Variants in CAMTA1 observed in about 807,000 individuals in gnomAD.
CAMTA1 encodes calmodulin binding transcription activator 1.
CAMTA1 carries 27 observed loss-of-function variants against 170.9 expected under a neutral mutation model. The ratio of observed to expected loss-of-function variants is 0.16; its 90% CI spans 0.12 to 0.22. CAMTA1 has a LOEUF of 0.22. Among genes scored for constraint, CAMTA1 ranks in the 10% least tolerant of loss-of-function variants. The pLI is 1.00. For missense variants in CAMTA1, 1,619 were observed against 2,217.2 expected, an observed-to-expected ratio of 0.73 and a Z score of 5.42; for synonymous variants, 833 against 891.5, an observed-to-expected ratio of 0.93 and a Z score of 1.17.
intron 5 of CAMTA1, among the ~76,000 whole-genome samples, chr1:7,438,660 T>C (rs941346181): frequency 6.6e-6 from 1 of 152,098 alleles, no homozygotes; most frequent in African/African-American, 2.4e-5. Flanking sequence ...CCCCAACATC[T>C]GTCTCCTCCG....
chr1:7,075,577 C>T (rs2147965964), intron 3 of CAMTA1, among the ~76,000 whole-genome samples: 1 of 152,158 alleles, frequency 6.6e-6, no homozygotes, highest in South Asian at 2.1e-4. Flanking sequence ...CCTGCTGTCA[C>T]ATTTTGGTTC....
In CAMTA1 at chr1:7,558,822, T is replaced by C. The variant is rs11809764; in HGVS notation, c.511-81578T>C. Among the ~76,000 whole-genome samples the C allele has an allele frequency of 9.0e-3, 1,376 of 152,398 alleles. 19 individuals carry two copies. Among genetic ancestry groups the C allele is most frequent in the African/African-American group, 0.032 (1,318 of 41,598 alleles). ...ATTTCAGCAGCTGTAGTCATTAAGA[T>C]AAAAGTTGCACTAATGACTCCAGCG... On this transcript the variant is annotated intron_variant, in intron 6 of 22. Transcript: ENST00000303635.
intron 1 of CAMTA1, among the ~76,000 whole-genome samples, chr1:6,804,395 G>T (rs1644270694): frequency 6.6e-6 from 1 of 151,782 alleles, no homozygotes; most frequent in East Asian, 1.9e-4. Flanking sequence ...ATAATTGAGT[G>T]GGTTTTCTTT....
chr1:7,726,735 C>T (rs960939931), intron 11 of CAMTA1, among the ~76,000 whole-genome samples: 1 of 152,290 alleles, frequency 6.6e-6, no homozygotes. Context: ...TGTGATGAAG[C>T]AGGAACTTGT....
chr1:7,577,958 A>G (rs2095217590), intron 6 of CAMTA1, among the ~76,000 whole-genome samples: 1 of 152,200 alleles, frequency 6.6e-6, no homozygotes, highest in East Asian at 1.9e-4. Context: ...TTGCTGCCCC[A>G]CAAAAACAGG....
At chr1:6,972,418 T>A (rs917150674) in intron 3 of CAMTA1, among the ~76,000 whole-genome samples, 9 of 152,212 alleles carry the variant, frequency 5.9e-5, no homozygotes, top group African/African-American at 1.7e-4. Context: ...TTTACTTCTT[T>A]TTTTTGCATC....
intron 6 of CAMTA1, among the ~76,000 whole-genome samples, chr1:7,612,137 C>G (rs1419626983): frequency 6.6e-6 from 1 of 152,162 alleles, no homozygotes; most frequent in East Asian, 1.9e-4. Flanking sequence ...CCTTTTACAC[C>G]CTGCCCTCTT....
At chr1:6,851,614 C>T (rs1462382058) in intron 3 of CAMTA1, among the ~76,000 whole-genome samples, 1 of 152,180 alleles carries the variant, frequency 6.6e-6, no homozygotes, top group Non-Finnish European at 1.5e-5. Flanking sequence ...TGCGGTGGCT[C>T]ACTCCTGTGA....
intron 5 of CAMTA1, among the ~76,000 whole-genome samples, chr1:7,294,261 T>C (rs1673597547): frequency 6.6e-6 from 1 of 152,176 alleles, no homozygotes; most frequent in Non-Finnish European, 1.5e-5. Context: ...GTTTACGCTG[T>C]TTAACACTGG....
At chr1:7,650,441 C>T (rs571464808) in intron 7 of CAMTA1, among the ~76,000 whole-genome samples, 1 of 152,186 alleles carries the variant, frequency 6.6e-6, no homozygotes, top group Admixed American at 6.5e-5. Context: ...CTCCCTACCC[C>T]TCATTGACAA....
At chr1:7,297,834 T>A (rs1382934226) in intron 5 of CAMTA1, among the ~76,000 whole-genome samples, 2 of 152,204 alleles carry the variant, frequency 1.3e-5, no homozygotes, top group Non-Finnish European at 2.9e-5. Flanking sequence ...TGTTGTACAA[T>A]CCCTACAAAG....
intron 6 of CAMTA1, among the ~76,000 whole-genome samples, chr1:7,473,158 A>C (rs903642337): frequency 1.3e-5 from 2 of 152,066 alleles, no homozygotes; most frequent in African/African-American, 4.8e-5. Flanking sequence ...AGGGTTTCCT[A>C]GGGTAGTTCC....
At chr1:7,340,772 A>C (rs527831008) in intron 5 of CAMTA1, among the ~76,000 whole-genome samples, 10 of 139,460 alleles carry the variant, frequency 7.2e-5, no homozygotes, top group Admixed American at 1.4e-4. Flanking sequence ...ATCCATCCAT[A>C]CACTGTCTCA....
At position 7,146,537 on chromosome 1, in the gene CAMTA1, A is replaced by C. The variant is rs894360044; in HGVS notation, c.302+55166A>C. 6.6e-6 allele frequency among the ~76,000 whole-genome samples: 1 copy of C among 151,944 alleles called. No individual in the cohort carries two copies. Among genetic ancestry groups the C allele is most frequent in the Non-Finnish European group, 1.5e-5 (1 of 67,984 alleles). ...GGTGGACACTGCCGCCCAGCAGGACACTCATCACCATGGCCTTCCTTGACC... is the reference window on the plus strand; with the variant it reads ...GGTGGACACTGCCGCCCAGCAGGACCCTCATCACCATGGCCTTCCTTGACC... On this transcript the variant is annotated intron_variant, in intron 4 of 22. Transcript: ENST00000303635. The surrounding 1 kb of genome is among the most constrained non-coding windows in gnomAD (Gnocchi z 4.3).
At chr1:7,514,260 C>T (rs1421001889) in intron 6 of CAMTA1, among the ~76,000 whole-genome samples, 2 of 152,224 alleles carry the variant, frequency 1.3e-5, no homozygotes, top group African/African-American at 4.8e-5. Context: ...AGACCTCCAG[C>T]CCTTCCTAGC....
intron 5 of CAMTA1, among the ~76,000 whole-genome samples, chr1:7,280,153 A>C (rs1557429829): frequency 6.6e-6 from 1 of 152,242 alleles, no homozygotes; most frequent in Non-Finnish European, 1.5e-5. Flanking sequence ...TCCCAGCCTG[A>C]TGTGTGTCTG....
rs1393093449 is a variant in CAMTA1 at position 7,547,384 on chromosome 1, A to G, written c.510+79483A>G. ...CACACACACACACACACACACACAC[A>G]CACACAGAGTTGGCCTTCCACATTC... On this transcript the variant is annotated intron_variant, in intron 6 of 22. Coordinates refer to ENST00000303635, the MANE Select transcript of CAMTA1 (RefSeq NM_015215.4). The surrounding 1 kb of genome is among the most constrained non-coding windows in gnomAD (Gnocchi z 5.7). 6.6e-6 allele frequency among the ~76,000 whole-genome samples: 1 copy of G among 151,226 alleles called. No homozygotes were observed. Among genetic ancestry groups the G allele is most frequent in the Non-Finnish European group, 1.5e-5 (1 of 67,830 alleles).
intron 4 of CAMTA1, among the ~76,000 whole-genome samples, chr1:7,126,802 G>A (rs1260791011): frequency 5.3e-5 from 8 of 151,990 alleles, no homozygotes; most frequent in East Asian, 3.9e-4. Flanking sequence ...AAGGAGTCTC[G>A]CTCTGTCACC....
At chr1:7,359,154 C>T (rs1424816582) in intron 5 of CAMTA1, among the ~76,000 whole-genome samples, 3 of 152,174 alleles carry the variant, frequency 2.0e-5, no homozygotes, top group Admixed American at 6.5e-5. Context: ...CTTGCTCTGG[C>T]GATAAAGCCC....
Sources: allele counts gnomAD v4.1 joint callset (sites outside exome capture counted in the v4.1 genomes callset), GRCh38; gene constraint gnomAD v4.1.1; non-coding constraint Gnocchi (gnomAD v3.1); transcripts MANE v1.5; gene names NCBI Gene and HGNC (gene_info 2026-07-23, HGNC 2026-07-21).